The following KDM4C variants were observed in gnomAD, a reference collection of about 807,000 sequenced individuals.
KDM4C encodes lysine demethylase 4C, also known as lysine-specific demethylase 4C.
A neutral mutation model predicts 129.3 loss-of-function variants in KDM4C; 81 were observed. That is an observed-to-expected ratio of 0.63 (90% CI 0.52 to 0.75). The LOEUF is 0.75. Ranked by LOEUF, KDM4C falls within the 30% of genes least tolerant of loss-of-function variation. The pLI, the probability that KDM4C is intolerant of heterozygous loss-of-function variation, is 0.00. For missense variants in KDM4C, 1,457 were observed against 1,304.0 expected (o/e 1.12, Z -1.81); for synonymous variants, 573 against 456.1 (o/e 1.26, Z -3.26).
intron 8 of KDM4C, among the ~76,000 whole-genome samples, chr9:6,932,900 G>A (rs55686117): frequency 0.25 from 38,428 of 152,122 alleles, 5,361 homozygotes; most frequent in South Asian, 0.39. Context: ...TGTAGAGATT[G>A]AGGAACTCTG....
intron 3 of KDM4C, among the ~76,000 whole-genome samples, chr9:6,806,663 TTTAA>T (rs1455757024): frequency 3.3e-5 from 5 of 152,170 alleles, no homozygotes; most frequent in African/African-American, 1.2e-4. Context: ...CATCTGAGCA[TTTAA>T]TTGTGGCTGG....
chr9:6,772,533 G>A (rs1822082493), intron 1 of KDM4C, among the ~76,000 whole-genome samples: 1 of 152,158 alleles, frequency 6.6e-6, no homozygotes, highest in East Asian at 1.9e-4. Flanking sequence ...GGTTAATTTT[G>A]TATTTTTAGT....
intron 12 of KDM4C, among the ~76,000 whole-genome samples, chr9:7,010,921 G>A (rs1404217346): frequency 6.6e-6 from 1 of 152,068 alleles, no homozygotes; most frequent in Admixed American, 6.6e-5. Flanking sequence ...GTGGGTGGCT[G>A]TAATCCTAAC....
At chr9:6,866,974 TG>T (rs1268970039) in intron 5 of KDM4C, among the ~76,000 whole-genome samples, 26 of 2,610 alleles carry the variant, frequency 1.0e-2, no homozygotes, top group Non-Finnish European at 0.064. Context: ...TATATGTTTG[TG>T]TGTGTGTGTG....
chr9:6,928,497 A>G (rs534880160), intron 8 of KDM4C, among the ~76,000 whole-genome samples: 1 of 152,222 alleles, frequency 6.6e-6, no homozygotes, highest in East Asian at 1.9e-4. Context: ...GGATCTGTGT[A>G]TCCTACTTCC....
intron 17 of KDM4C, among the ~76,000 whole-genome samples, chr9:7,084,722 A>G (rs1834915973): frequency 6.6e-6 from 1 of 152,218 alleles, no homozygotes; most frequent in Admixed American, 6.5e-5. Flanking sequence ...TGAATGGAAC[A>G]TGTAATACCC....
intron 6 of KDM4C, among the ~76,000 whole-genome samples, chr9:6,886,377 A>G (rs1295523984): frequency 2.0e-5 from 3 of 150,618 alleles, no homozygotes; most frequent in Non-Finnish European, 4.4e-5. Flanking sequence ...CAGTGGTGCA[A>G]TCTCAGTTCA....
chr9:6,762,650 T>C (rs1008452973), intron 1 of KDM4C, among the ~76,000 whole-genome samples: 2 of 148,168 alleles, frequency 1.3e-5, no homozygotes, highest in East Asian at 1.9e-4. Context: ...ATATAATATA[T>C]TAGGTCATTG....
chr9:6,975,244 C>G (rs1832726303), intron 8 of KDM4C, among the ~76,000 whole-genome samples: 2 of 152,144 alleles, frequency 1.3e-5, no homozygotes, highest in Non-Finnish European at 2.9e-5. Flanking sequence ...AAATTGTTAG[C>G]TAGGCTGGTT....
chr9:7,175,500 T>A lies in KDM4C; in HGVS notation c.*771T>A, dbSNP rs372054505. 6.5e-6 allele frequency: 1 copy of A among 152,678 alleles called. No individual in the cohort carries two copies. The highest frequency in any genetic ancestry group is 1.5e-5 in the Non-Finnish European group (1 of 68,054). 9.5% of individuals were successfully genotyped at this position (152,678 alleles called of 1,614,324 possible). A position where few individuals can be genotyped will look rare whatever the true frequency, so the allele number is the denominator to read the frequency against. The stretch of plus-strand genomic sequence containing the variant: ...ATTCCGAGTAGATATTTATAAAATA[T>A]ATGTTTCTTTCATTATGTGTTTGTA... On this transcript the variant is annotated 3_prime_UTR_variant, in exon 22 of 22. Transcript: ENST00000381309.
At chr9:6,740,733 G>A (rs1387514398) in intron 1 of KDM4C, among the ~76,000 whole-genome samples, 1 of 147,042 alleles carries the variant, frequency 6.8e-6, no homozygotes, top group African/African-American at 2.5e-5. Flanking sequence ...TGGCCTGGCT[G>A]GTCTCGAACT....
chr9:6,947,519 T>A (rs1179268965), intron 8 of KDM4C, among the ~76,000 whole-genome samples: 2 of 152,122 alleles, frequency 1.3e-5, no homozygotes, highest in East Asian at 3.8e-4. Flanking sequence ...AGAAAGGCTT[T>A]GTATATTACA....
chr9:6,812,706 T>A (rs1216314417), intron 3 of KDM4C, among the ~76,000 whole-genome samples: 1 of 152,156 alleles, frequency 6.6e-6, no homozygotes, highest in African/African-American at 2.4e-5. Context: ...CTACTGGGGA[T>A]TGGGGACCCA....
intron 8 of KDM4C, among the ~76,000 whole-genome samples, chr9:6,955,255 G>A (rs958506621): frequency 1.8e-4 from 27 of 152,234 alleles, no homozygotes; most frequent in African/African-American, 6.0e-4. Context: ...GTCAGTGATA[G>A]GAGAAAGAGG....
At chr9:7,161,697 A>G (rs1399637489) in intron 19 of KDM4C, among the ~76,000 whole-genome samples, 2 of 152,116 alleles carry the variant, frequency 1.3e-5, no homozygotes, top group South Asian at 2.1e-4. Flanking sequence ...ATTGCCTCCT[A>G]GTGTCTCACA....
rs185228713 is a variant in KDM4C at position 6,740,284 on chromosome 9, A to G, written c.49+19287A>G. 9.8e-3 allele frequency among the ~76,000 whole-genome samples: 1,489 copies of G among 151,500 alleles called. 23 individuals are homozygous for G. Among genetic ancestry groups the G allele is most frequent in the African/African-American group, 0.034 (1,416 of 41,258 alleles). ...AGTGATGCAATCTCGTCTCACTGCA[A>G]GCTCCGCCTCCCGGGTTCACGCCAT... On this transcript the variant is annotated intron_variant, in intron 1 of 17. Transcript: ENST00000536108.
intron 5 of KDM4C, among the ~76,000 whole-genome samples, chr9:6,875,467 C>G (rs1221496608): frequency 5.3e-5 from 8 of 152,110 alleles, no homozygotes; most frequent in African/African-American, 1.7e-4. Context: ...GACAGGAAGA[C>G]TAATTTTGTC....
rs1389500568 is a variant in KDM4C at position 7,122,257 on chromosome 9, A to T, written c.2611-5809A>T. 3.0e-4 allele frequency among the ~76,000 whole-genome samples: 32 copies of T among 105,968 alleles called. 1 individual carries two copies. The highest frequency in any genetic ancestry group is 2.4e-3 in the East Asian group (11 of 4,612). 69.5% of individuals were successfully genotyped at this position (105,968 alleles called of 152,430 possible). A position where few individuals can be genotyped will look rare whatever the true frequency, so the allele number is the denominator to read the frequency against. On this transcript the variant is annotated intron_variant, in intron 18 of 21. Transcript: ENST00000381309. ...GGAGATGCCACACACACACACACAC[A>T]CACACACACTCTCTCTCTCTCTCTC... is the stretch of plus-strand genomic sequence containing the variant.
At chr9:7,104,126 A>G (rs751070382) in intron 18 of KDM4C, 6 of 430,732 alleles carry the variant, frequency 1.4e-5, no homozygotes, top group Non-Finnish European at 2.6e-5. Context: ...ATGCATGCAG[A>G]AAACTCTCCA....
Sources: allele counts gnomAD v4.1 joint callset (sites outside exome capture counted in the v4.1 genomes callset), GRCh38; gene constraint gnomAD v4.1.1; transcripts MANE v1.5; gene names NCBI Gene and HGNC (gene_info 2026-07-23, HGNC 2026-07-21).